NELL1: variants seen among roughly 807,000 people sequenced by gnomAD.
NELL1 encodes neural EGFL like 1.
Under a neutral mutation model 107.4 loss-of-function variants are expected in NELL1, and 76 were observed. The ratio of observed to expected loss-of-function variants is 0.71; its 90% confidence interval spans 0.59 to 0.86. The LOEUF (loss-of-function observed/expected upper bound fraction) is 0.86. Ranked by LOEUF, NELL1 falls within the 40% of genes least tolerant of loss-of-function variation. The probability of loss-of-function intolerance (pLI) is 0.00; values close to 1 mark genes in which losing one functional copy is unlikely to be tolerated. For synonymous variants in NELL1, 353 were observed against 341.2 expected (o/e 1.03, Z -0.38); for missense variants, 1,024 against 1,005.5 (o/e 1.02, Z -0.25).
At chr11:21,404,475 G>GA (rs1852187059) in intron 15 of NELL1, among the ~76,000 whole-genome samples, 1 of 151,848 alleles carries the variant, frequency 6.6e-6, no homozygotes, top group Non-Finnish European at 1.5e-5. Flanking sequence ...TTGCTTCATA[G>GA]ATTTCTAGAT....
intron 2 of NELL1, among the ~76,000 whole-genome samples, chr11:20,781,854 CCCTGT>C (rs1370692287): frequency 2.2e-5 from 3 of 134,436 alleles, no homozygotes; most frequent in Admixed American, 7.5e-5. Context: ...CATGGGGAAA[CCCTGT>C]CTCTACCAAA....
chr11:21,545,852 T>A (rs1478841024), intron 16 of NELL1, among the ~76,000 whole-genome samples: 1 of 151,896 alleles, frequency 6.6e-6, no homozygotes, highest in African/African-American at 2.4e-5. Flanking sequence ...CCTGGGAACT[T>A]GTTAGAAATG....
At chr11:20,863,975 G>T (rs1013061841) in intron 4 of NELL1, among the ~76,000 whole-genome samples, 2 of 152,122 alleles carry the variant, frequency 1.3e-5, no homozygotes, top group Non-Finnish European at 2.9e-5. Flanking sequence ...AGGCGTGGCG[G>T]CGCGCGCCTG....
chr11:20,895,076 C>G (rs951750549), intron 5 of NELL1, among the ~76,000 whole-genome samples: 2 of 143,840 alleles, frequency 1.4e-5, no homozygotes, highest in Non-Finnish European at 3.0e-5. Flanking sequence ...TCGAGACCAT[C>G]CCGGCTAAAA....
In NELL1 at chr11:21,148,360, G is replaced by C. The variant is rs527545503; in HGVS notation, c.1426+34646G>C. Among the ~76,000 whole-genome samples the C allele has an allele frequency of 5.9e-5, 9 of 152,280 alleles. No homozygotes were observed. The East Asian group carries it at 1.5e-3, about 26-fold the overall frequency. ...TTAATAGATCATGAGAGGTCGCCGG[G>C]GGGAGGGTGGATACTGGGAGAGACT... On this transcript the variant is annotated intron_variant, in intron 13 of 19. Coordinates refer to ENST00000357134, the MANE Select transcript of NELL1 (RefSeq NM_006157.5).
At chr11:21,241,904 A>ATTTTTTTTTTTT (rs10652603) in intron 14 of NELL1, among the ~76,000 whole-genome samples, 1 of 134,148 alleles carries the variant, frequency 7.5e-6, no homozygotes, top group Non-Finnish European at 1.6e-5. Context: ...GTCTGTTTCT[A>ATTTTTTTTTTTT]TTTTTTTTTT....
chr11:21,439,861 C>T (rs552570730), intron 15 of NELL1, among the ~76,000 whole-genome samples: 2 of 152,058 alleles, frequency 1.3e-5, no homozygotes, highest in African/African-American at 4.8e-5. Context: ...CATTTTTTTC[C>T]AAACTCTTAC....
rs529491442 is a variant in NELL1, at chr11:21,195,167, A to G, written c.1427-34165A>G. ...TCCAGCAAGAATAAATGTTCAGCAC[A>G]TGCCCAGTAAAAAATACATGCTTAA... On this transcript the variant is annotated intron_variant, in intron 13 of 19. Transcript: ENST00000357134. 7.0e-4 allele frequency among the ~76,000 whole-genome samples: 106 copies of G among 152,356 alleles called. 1 individual carries two copies. Among genetic ancestry groups the G allele is most frequent in the Non-Finnish European group, 1.6e-4 (11 of 68,038 alleles).
chr11:21,537,576 T>A (rs544814618), intron 16 of NELL1, among the ~76,000 whole-genome samples: 2 of 152,282 alleles, frequency 1.3e-5, no homozygotes, highest in African/African-American at 4.8e-5. Context: ...TTTGTTATAA[T>A]ACTTTTATAT....
chr11:21,362,509 C>T lies in NELL1; in HGVS notation c.1550-8344C>T, dbSNP rs1040987164. On this transcript the variant is annotated intron_variant, in intron 14 of 19. Transcript: ENST00000357134. ...TGAAGTTGTCACATAGACACCCTTACGACTTCTGGTTAGCCAAGATGTTGT... is the reference window on the plus strand; with the variant it reads ...TGAAGTTGTCACATAGACACCCTTATGACTTCTGGTTAGCCAAGATGTTGT... Among the ~76,000 whole-genome samples the T allele has an allele frequency of 6.6e-5, 10 of 152,180 alleles. No individual in the cohort carries two copies. The South Asian group carries it at 1.0e-3, about 16-fold the overall frequency.
intron 13 of NELL1, among the ~76,000 whole-genome samples, chr11:21,204,175 A>T (rs1440170210): frequency 6.6e-6 from 1 of 152,138 alleles, no homozygotes; most frequent in African/African-American, 2.4e-5. Flanking sequence ...AGGTTGGGGA[A>T]GTTCTCCTGG....
chr11:20,908,647 A>G (rs144130291), intron 5 of NELL1, among the ~76,000 whole-genome samples: 302 of 152,312 alleles, frequency 2.0e-3, no homozygotes, highest in Admixed American at 4.4e-3. Flanking sequence ...AAACCTGCAC[A>G]TTCTGCACAT....
rs749510495 is a variant in NELL1 at position 21,113,671 on chromosome 11, C to G, written c.1383C>G (p.Asp461Glu). The G allele has an allele frequency of 2.2e-5, 36 of 1,612,210 alleles. No homozygotes were observed. Among genetic ancestry groups the G allele is most frequent in the Non-Finnish European group, 2.4e-5 (28 of 1,178,720 alleles). ...ACCTTCCTGGGTTATATCGCTGTGACTGTGTCCCAGGATACATTCGTGTGG... is the reference window on the plus strand; with the variant it reads ...ACCTTCCTGGGTTATATCGCTGTGAGTGTGTCCCAGGATACATTCGTGTGG... ...CVNLPGLYRC[D>E]CVPGYIRVDD... is the part of the protein sequence containing the mutation. The change falls in exon 13 of 20, where the codon GAC becomes GAG. Residue 461 changes from aspartate (D) to glutamate (E), a missense_variant. By Grantham distance (45) the Asp-to-Glu change is conservative. Coordinates refer to ENST00000357134, the MANE Select transcript of NELL1 (RefSeq NM_006157.5).
At chr11:21,043,620 G>A (rs1372308583) in intron 12 of NELL1, among the ~76,000 whole-genome samples, 5 of 152,128 alleles carry the variant, frequency 3.3e-5, no homozygotes, top group South Asian at 2.1e-4. Flanking sequence ...GTGATCCAAC[G>A]ACTGGTTTTT....
chr11:21,342,955 C>G (rs1432885107), intron 14 of NELL1, among the ~76,000 whole-genome samples: 2 of 152,060 alleles, frequency 1.3e-5, no homozygotes, highest in African/African-American at 4.8e-5. Context: ...AGCACATCTT[C>G]CTCTTTGTTG....
At chr11:21,136,204 A>G (rs1160179241) in intron 13 of NELL1, among the ~76,000 whole-genome samples, 1 of 152,098 alleles carries the variant, frequency 6.6e-6, no homozygotes, top group East Asian at 1.9e-4. Context: ...TTTCATTCAG[A>G]GGGAATACCA....
chr11:21,284,324 G>C (rs1448331247), intron 14 of NELL1: 1 of 457,266 alleles, frequency 2.2e-6, no homozygotes, highest in Non-Finnish European at 4.4e-6. Context: ...TCTGGAGCAT[G>C]AGAGTGTGAA....
intron 13 of NELL1, among the ~76,000 whole-genome samples, chr11:21,214,700 A>T (rs925643307): frequency 1.3e-5 from 2 of 151,602 alleles, no homozygotes; most frequent in Middle Eastern, 3.4e-3. Context: ...TTTATCCTAG[A>T]AATGTAAAAA....
intron 12 of NELL1, among the ~76,000 whole-genome samples, chr11:21,020,646 C>T (rs1046413587): frequency 2.6e-5 from 4 of 151,992 alleles, no homozygotes; most frequent in African/African-American, 9.7e-5. Flanking sequence ...TGCTCTGTCT[C>T]CCCAACTGGT....
Sources: gnomAD v4.1 joint callset for allele counts (sites outside exome capture counted in the v4.1 genomes callset) on GRCh38, gnomAD v4.1.1 for gene constraint, MANE v1.5 for transcripts, NCBI Gene and HGNC (gene_info 2026-07-23, HGNC 2026-07-21) for gene names.